TMEM163: variants seen among roughly 807,000 people sequenced by gnomAD.
TMEM163 encodes transmembrane protein 163.
In TMEM163, 17 loss-of-function variants were observed where a neutral mutation model predicts 29.3. That is an observed-to-expected ratio of 0.58 (90% CI 0.40 to 0.87). TMEM163 has a LOEUF of 0.87. Ranked by LOEUF, TMEM163 falls within the 40% of genes least tolerant of loss-of-function variation. The pLI is 0.00. For missense variants in TMEM163, 303 were observed against 381.5 expected, an observed-to-expected ratio of 0.79 and a Z score of 1.71; for synonymous variants, 157 against 160.6, an observed-to-expected ratio of 0.98 and a Z score of 0.17.
intron 5 of TMEM163, chr2:134,469,660 CA>C (rs66571980): frequency 0.036 from 5,497 of 152,394 alleles, 161 homozygotes; most frequent in South Asian, 0.13. Flanking sequence ...CGGGCTCGCC[CA>C]GGGGAGAGAG....
intron 7 of TMEM163, among the ~76,000 whole-genome samples, chr2:134,457,196 G>T (rs1009747648): frequency 6.6e-6 from 1 of 152,120 alleles, no homozygotes; most frequent in Non-Finnish European, 1.5e-5. Flanking sequence ...TCTGTTAATG[G>T]ACAATTGTGT....
chr2:134,679,334 C>T (rs1684182993), intron 2 of TMEM163, among the ~76,000 whole-genome samples: 1 of 152,212 alleles, frequency 6.6e-6, no homozygotes, highest in African/African-American at 2.4e-5. Context: ...TGTTCCATGA[C>T]TCTAGGACAA....
At chr2:134,650,598 T>C (rs1252725454) in intron 2 of TMEM163, among the ~76,000 whole-genome samples, 1 of 144,576 alleles carries the variant, frequency 6.9e-6, no homozygotes. Flanking sequence ...TGCAGGTTAG[T>C]TACATATGTA....
intron 5 of TMEM163, among the ~76,000 whole-genome samples, chr2:134,480,209 T>C (rs772039038): frequency 1.3e-4 from 20 of 152,142 alleles, no homozygotes; most frequent in Non-Finnish European, 2.5e-4. Flanking sequence ...TCTCCCCTTT[T>C]CTCACTCTGT....
At chr2:134,470,789 G>A (rs1012288884) in intron 5 of TMEM163, among the ~76,000 whole-genome samples, 3 of 152,220 alleles carry the variant, frequency 2.0e-5, no homozygotes, top group African/African-American at 7.2e-5. Context: ...CTCTCCTGCG[G>A]TGCACGTGCT....
chr2:134,573,980 G>A (rs1452118577), intron 2 of TMEM163, among the ~76,000 whole-genome samples: 1 of 152,136 alleles, frequency 6.6e-6, no homozygotes, highest in Non-Finnish European at 1.5e-5. Context: ...GCTATTATGT[G>A]GCCTGTGTTC....
chr2:134,650,513 T>C (rs918805816), intron 2 of TMEM163, among the ~76,000 whole-genome samples: 5 of 125,872 alleles, frequency 4.0e-5, no homozygotes, highest in Non-Finnish European at 8.1e-5. Context: ...CTTTTTTTTG[T>C]TTGTTTGTTT....
At chr2:134,535,789 T>C (rs1680525487) in intron 4 of TMEM163, among the ~76,000 whole-genome samples, 1 of 151,844 alleles carries the variant, frequency 6.6e-6, no homozygotes, top group African/African-American at 2.4e-5. Context: ...AATGGCACGA[T>C]CTAGGCTCAC....
intron 4 of TMEM163, among the ~76,000 whole-genome samples, chr2:134,538,535 A>G (rs960988317): frequency 6.6e-6 from 1 of 152,234 alleles, no homozygotes; most frequent in Non-Finnish European, 1.5e-5. Context: ...CCTTGATAAT[A>G]GCCTCAAGGC....
rs1005455411 is a variant in TMEM163 at position 134,506,685 on chromosome 2, G to A, written c.459-3688C>T. On this transcript the variant is annotated intron_variant, in intron 4 of 7. Coordinates refer to ENST00000281924, the MANE Select transcript of TMEM163 (RefSeq NM_030923.5). The stretch of plus-strand genomic sequence containing the variant: ...CGAAAGCTCTGGGCAGCCACATCAC[G>A]TGCTCACACCACCACTGCCCTGGGA... Among the ~76,000 whole-genome samples, 8 of 152,306 alleles carry A rather than the reference G, an allele frequency of 5.3e-5. No individual in the cohort carries two copies. In the South Asian group the frequency reaches 1.0e-3, roughly 20 times the overall value.
chr2:134,650,937 C>A lies in TMEM163; in HGVS notation c.322+62263G>T, dbSNP rs1413235826. Among the ~76,000 whole-genome samples the A allele has an allele frequency of 5.0e-5, 6 of 120,904 alleles. 2 individuals are homozygous for A. The highest frequency in any genetic ancestry group is 1.7e-4 in the Admixed American group (2 of 12,084). The allele number at this position is 120,904 out of a possible 152,430, so 79.3% of individuals were successfully genotyped here. A position where few individuals can be genotyped will look rare whatever the true frequency, so the allele number is the denominator to read the frequency against. Reference sequence around the variant, plus strand: ...ATGTGCCACATTTTCTTAATCCAGTCTATCATTGTTGGACATTTGGGTTGG... The same window carrying A: ...ATGTGCCACATTTTCTTAATCCAGTATATCATTGTTGGACATTTGGGTTGG... On this transcript the variant is annotated intron_variant, in intron 2 of 7. Coordinates refer to ENST00000281924, the MANE Select transcript of TMEM163 (RefSeq NM_030923.5).
chr2:134,521,448 G>A (rs982071052), intron 4 of TMEM163, among the ~76,000 whole-genome samples: 2 of 152,192 alleles, frequency 1.3e-5, no homozygotes, highest in Non-Finnish European at 2.9e-5. Flanking sequence ...CTGGCCTCTG[G>A]TGAGTAGAGC....
intron 2 of TMEM163, among the ~76,000 whole-genome samples, chr2:134,631,947 C>T (rs1424008150): frequency 2.6e-5 from 4 of 152,078 alleles, no homozygotes; most frequent in African/African-American, 9.7e-5. Flanking sequence ...ATTTGTGGTG[C>T]CATGAAGAGA....
At chr2:134,546,237 CAA>C (rs1489327236) in intron 4 of TMEM163, among the ~76,000 whole-genome samples, 1 of 152,192 alleles carries the variant, frequency 6.6e-6, no homozygotes, top group Non-Finnish European at 1.5e-5. Flanking sequence ...AGCAGGGTCT[CAA>C]AGAGATATTT....
intron 2 of TMEM163, among the ~76,000 whole-genome samples, chr2:134,648,919 G>A (rs1683401164): frequency 6.6e-6 from 1 of 152,184 alleles, no homozygotes; most frequent in East Asian, 1.9e-4. Context: ...ATGGCTCACG[G>A]CTAAAAACTT....
intron 2 of TMEM163, among the ~76,000 whole-genome samples, chr2:134,593,259 A>G (rs1681979686): frequency 6.6e-6 from 1 of 152,138 alleles, no homozygotes; most frequent in Non-Finnish European, 1.5e-5. Context: ...GAAAATATGC[A>G]AATTTCCTAA....
intron 2 of TMEM163, among the ~76,000 whole-genome samples, chr2:134,621,752 G>A (rs1466756323): frequency 3.3e-5 from 5 of 152,128 alleles, no homozygotes; most frequent in East Asian, 1.9e-4. Context: ...TTAGCCGGGC[G>A]TGGTGGCAGG....
At chr2:134,469,203 T>C (rs986865401) in intron 5 of TMEM163, 2 of 151,772 alleles carry the variant, frequency 1.3e-5, no homozygotes, top group Non-Finnish European at 2.9e-5. Flanking sequence ...CCGCGGCCTA[T>C]CCAGGGGCTG....
At chr2:134,528,985 G>T (rs966302747) in intron 4 of TMEM163, among the ~76,000 whole-genome samples, 1 of 152,144 alleles carries the variant, frequency 6.6e-6, no homozygotes, top group Non-Finnish European at 1.5e-5. Context: ...AAAGTGGGGG[G>T]AAAAGCAGGA....
Sources: gnomAD v4.1 joint callset for allele counts (sites outside exome capture counted in the v4.1 genomes callset) on GRCh38, gnomAD v4.1.1 for gene constraint, MANE v1.5 for transcripts, NCBI Gene and HGNC (gene_info 2026-07-23, HGNC 2026-07-21) for gene names.